Variants in FARP2 observed in about 807,000 individuals in gnomAD.
The protein encoded by FARP2 is FERM, ARHGEF and pleckstrin domain-containing protein 2.
FARP2 carries 111 observed loss-of-function variants against 130.5 expected under a neutral mutation model. That is an observed-to-expected ratio of 0.85 (90% CI 0.73 to 1.00). The LOEUF is 1.00. Ranked by LOEUF, FARP2 falls within the 50% of genes least tolerant of loss-of-function variation. The pLI, the probability that FARP2 is intolerant of heterozygous loss-of-function variation, is 0.00. For missense variants in FARP2, 1,385 were observed against 1,346.3 expected (o/e 1.03, Z -0.45); for synonymous variants, 504 against 516.9 (o/e 0.98, Z 0.34).
rs961508668 is a variant in FARP2, at chr2:241,475,695, G to A, written c.2132-162G>A. The stretch of plus-strand genomic sequence containing the variant: ...ATTGTCTTCCATGAAACCCATCCCT[G>A]GTACCAAAAATGTTGGGGACCGCTG... On this transcript the variant is annotated intron_variant, in intron 18 of 26. Transcript: ENST00000264042. The surrounding 1 kb of genome is among the most constrained non-coding windows in gnomAD (Gnocchi z 4.4). Among the ~76,000 whole-genome samples, 2 of 152,168 alleles carry A rather than the reference G, an allele frequency of 1.3e-5. No homozygotes were observed. The highest frequency in any genetic ancestry group is 4.8e-5 in the African/African-American group (2 of 41,444).
chr2:241,441,998 T>G, intron 13 of FARP2: 1 of 359,998 alleles, frequency 2.8e-6, no homozygotes, highest in Admixed American at 3.8e-5. Context: ...GCAGTAGATA[T>G]GAACACAGAA....
intron 19 of FARP2, chr2:241,478,990 G>T: frequency 2.1e-6 from 1 of 486,664 alleles, no homozygotes; most frequent in East Asian, 4.1e-5. Flanking sequence ...GTTCAAGGAT[G>T]TGAGGGACAC....
chr2:241,401,894 A>G (rs566337385), intron 2 of FARP2, among the ~76,000 whole-genome samples: 15 of 151,858 alleles, frequency 9.9e-5, no homozygotes, highest in African/African-American at 3.6e-4. Context: ...GGTTCAAGCT[A>G]TTCTCCCGCC....
At chr2:241,476,317 G>A (rs2064461103) in intron 19 of FARP2, among the ~76,000 whole-genome samples, 1 of 151,962 alleles carries the variant, frequency 6.6e-6, no homozygotes, top group Non-Finnish European at 1.5e-5. Context: ...AGCCAAGGAG[G>A]TCGAGGCTGG....
At chr2:241,403,733 TTA>T in intron 2 of FARP2, 93 bp from the exon 3 acceptor site, 1 of 657,744 alleles carries the variant, frequency 1.5e-6, no homozygotes, top group Non-Finnish European at 2.7e-6. Context: ...CAAAGTGATT[TTA>T]TGTGTGGGAA....
At chr2:241,488,548 C>G (rs2064817027) in intron 21 of FARP2, 1 of 151,880 alleles carries the variant, frequency 6.6e-6, no homozygotes, top group Non-Finnish European at 1.5e-5. Flanking sequence ...TCCCAAGTAG[C>G]TGGGACTACA....
chr2:241,456,600 T>TA, intron 13 of FARP2, 147 bp from the exon 14 acceptor site: 5 of 703,690 alleles, frequency 7.1e-6, no homozygotes, highest in Non-Finnish European at 1.3e-5. Flanking sequence ...TTGTGTGTGA[T>TA]AGAGGCTGTA....
intron 2 of FARP2, among the ~76,000 whole-genome samples, chr2:241,378,302 G>A (rs1575473788): frequency 2.6e-5 from 4 of 151,034 alleles, no homozygotes; most frequent in African/African-American, 9.8e-5. Context: ...GTAGAGACGG[G>A]GTTTCATCAT....
intron 7 of FARP2, among the ~76,000 whole-genome samples, chr2:241,415,776 G>T (rs2062647748): frequency 6.6e-6 from 1 of 152,218 alleles, no homozygotes; most frequent in South Asian, 2.1e-4. Context: ...CTTGTGTGGA[G>T]ACTACAGGCC....
At chr2:241,486,461 CAAAAAAAAAAA>C (rs56961097) in intron 21 of FARP2, among the ~76,000 whole-genome samples, 4 of 50,018 alleles carry the variant, frequency 8.0e-5, no homozygotes, top group African/African-American at 3.5e-4. Context: ...GACCTCGTCT[CAAAAAAAAAAA>C]AAAAAAAAAA....
intron 8 of FARP2, among the ~76,000 whole-genome samples, chr2:241,419,786 T>C (rs986467130): frequency 1.3e-5 from 2 of 152,230 alleles, no homozygotes; most frequent in African/African-American, 4.8e-5. Context: ...TGTAAAATTT[T>C]ATCTTGTAAT....
At chr2:241,390,331 G>A (rs1334251590) in intron 2 of FARP2, among the ~76,000 whole-genome samples, 1 of 152,202 alleles carries the variant, frequency 6.6e-6, no homozygotes, top group Admixed American at 6.5e-5. Context: ...TGGCACTGCC[G>A]TCTTCAGGAC....
intron 2 of FARP2, among the ~76,000 whole-genome samples, chr2:241,390,419 A>G (rs2061879171): frequency 6.6e-6 from 1 of 152,172 alleles, no homozygotes; most frequent in Admixed American, 6.5e-5. Context: ...TCGTAGACAC[A>G]TTTGTGATTC....
chr2:241,462,616 C>T lies in FARP2; in HGVS notation c.1677+4C>T, dbSNP rs766940198. ...GGATTTAGAAGTTATTACCGTGGTA[C>T]GAAAGTCCTTGATTACTTTGATTTT... On this transcript the variant is annotated splice_donor_region_variant and intron_variant, in intron 15 of 26. Coordinates refer to ENST00000264042, the MANE Select transcript of FARP2 (RefSeq NM_014808.4). 50 of 1,573,980 alleles carry T rather than the reference C, an allele frequency of 3.2e-5. No homozygotes were observed. The highest frequency in any genetic ancestry group is 2.0e-4 in the East Asian group (9 of 44,694).
At position 241,443,691 on chromosome 2, in the gene FARP2, G is replaced by A. The variant is rs1321912567; in HGVS notation, c.1411+2135G>A. Reference sequence around the variant, plus strand: ...GGGGAAACCACTGCCATGCAGCTCAGCACCCACAAGTGCCGGTCTCAGGCC... The same window carrying A: ...GGGGAAACCACTGCCATGCAGCTCAACACCCACAAGTGCCGGTCTCAGGCC... On this transcript the variant is annotated intron_variant, in intron 13 of 26. Transcript: ENST00000264042. 3 of 152,292 alleles carry A rather than the reference G, an allele frequency of 2.0e-5. No individual in the cohort carries two copies. In the East Asian group the frequency reaches 5.8e-4, roughly 29 times the overall value. 9.4% of individuals were successfully genotyped at this position (152,292 alleles called of 1,614,324 possible).
intron 26 of FARP2, chr2:241,493,746 G>A (rs888502221): frequency 2.1e-6 from 1 of 472,692 alleles, no homozygotes; most frequent in South Asian, 3.5e-5. Context: ...AGGCATGCAC[G>A]CCACGCCGCC....
chr2:241,394,278 G>A (rs938175617), intron 2 of FARP2, among the ~76,000 whole-genome samples: 1 of 152,168 alleles, frequency 6.6e-6, no homozygotes, highest in African/African-American at 2.4e-5. Flanking sequence ...CAGCACTTTG[G>A]GAGGCCGAGG....
At chr2:241,422,929 G>A (rs2062847915) in intron 8 of FARP2, among the ~76,000 whole-genome samples, 1 of 152,144 alleles carries the variant, frequency 6.6e-6, no homozygotes, top group East Asian at 1.9e-4. Flanking sequence ...GAATGAAAAG[G>A]AATGACAGAA....
intron 18 of FARP2, 133 bp downstream of exon 18, chr2:241,468,510 T>A: frequency 1.5e-6 from 1 of 673,780 alleles, no homozygotes; most frequent in Non-Finnish European, 2.6e-6. Context: ...TGGACCACAG[T>A]GGTCAGCATT....
Sources: gnomAD v4.1 joint callset for allele counts (sites outside exome capture counted in the v4.1 genomes callset) on GRCh38, gnomAD v4.1.1 for gene constraint, Gnocchi (gnomAD v3.1) non-coding constraint, MANE v1.5 for transcripts, NCBI Gene and HGNC (gene_info 2026-07-23, HGNC 2026-07-21) for gene names.